Variants in TMEM272 observed in about 807,000 individuals in gnomAD.
TMEM272 encodes the protein transmembrane protein 272, also known as long intergenic non-protein coding RNA 282.
Under a neutral mutation model 3.7 loss-of-function variants are expected in TMEM272, and 8 were observed. The observed-to-expected ratio is 2.17, with a 90% CI of 1.27 to 3.91. TMEM272 has a LOEUF of 3.91. Among genes scored for constraint, TMEM272 ranks in the 30% most tolerant of loss-of-function variants. TMEM272 has a pLI of 0.00. For missense variants in TMEM272, 166 were observed against 91.5 expected (o/e 1.81, Z -3.32); for synonymous variants, 63 against 39.8 (o/e 1.58, Z -2.20).
chr13:51,886,721 C>T, the TMEM272 span, among the ~76,000 whole-genome samples: 1 of 152,150 alleles, frequency 6.6e-6, no homozygotes, highest in Non-Finnish European at 1.5e-5. Context: ...TGTCATGATT[C>T]CATCTTAGTA....
At chr13:51,932,591 CAAGCCAGTGCCTCACAG>C in the TMEM272 span, 1 of 152,204 alleles carries the variant, frequency 6.6e-6, no homozygotes, top group African/African-American at 2.4e-5. Flanking sequence ...GACATGAAGC[CAAGCCAGTGCCTCACAG>C]AAGCCCTCGT....
At chr13:51,902,464 T>C in the TMEM272 span, among the ~76,000 whole-genome samples, 5 of 152,256 alleles carry the variant, frequency 3.3e-5, no homozygotes, top group Admixed American at 2.0e-4. Context: ...GTTGCAGATT[T>C]AAAAATTAGA....
chr13:51,824,245 G>GA (rs1232753468), intron 3 of TMEM272, among the ~76,000 whole-genome samples: 7 of 152,128 alleles, frequency 4.6e-5, no homozygotes, highest in African/African-American at 1.7e-4. Flanking sequence ...CTTAACTCTA[G>GA]ATTTTCTTTC....
At chr13:51,888,795 GCCA>G in the TMEM272 span, among the ~76,000 whole-genome samples, 1 of 151,632 alleles carries the variant, frequency 6.6e-6, no homozygotes, top group African/African-American at 2.4e-5. Flanking sequence ...ACAGGCACCT[GCCA>G]CCACGCCTGG....
At chr13:51,863,740 C>G in the TMEM272 span, among the ~76,000 whole-genome samples, 1 of 152,038 alleles carries the variant, frequency 6.6e-6, no homozygotes, top group African/African-American at 2.4e-5. Context: ...CTCCTCCACT[C>G]CCTGTTCCTA....
At chr13:51,930,873 G>T in the TMEM272 span, among the ~76,000 whole-genome samples, 2 of 151,690 alleles carry the variant, frequency 1.3e-5, no homozygotes, top group African/African-American at 4.8e-5. Flanking sequence ...TAATAAAAAA[G>T]GTTTTATTTA....
At chr13:51,929,600 GA>G in the TMEM272 span, among the ~76,000 whole-genome samples, 1 of 152,348 alleles carries the variant, frequency 6.6e-6, no homozygotes, top group South Asian at 2.1e-4. Flanking sequence ...GGATGCTGAG[GA>G]AGTACAGATT....
the TMEM272 span, among the ~76,000 whole-genome samples, chr13:51,862,698 GGAT>G: frequency 5.3e-5 from 8 of 152,154 alleles, no homozygotes; most frequent in Non-Finnish European, 1.2e-4. Flanking sequence ...GAGTGCTGAA[GGAT>G]TCGCTAGGTG....
the TMEM272 span, among the ~76,000 whole-genome samples, chr13:51,902,678 T>G: frequency 1.3e-5 from 2 of 152,290 alleles, no homozygotes; most frequent in South Asian, 4.1e-4. Context: ...TGCAGGTCAC[T>G]TGCAGCCCTG....
At chr13:51,904,966 C>T in the TMEM272 span, among the ~76,000 whole-genome samples, 1 of 152,198 alleles carries the variant, frequency 6.6e-6, no homozygotes, top group Non-Finnish European at 1.5e-5. Flanking sequence ...GGAGTCTGTT[C>T]TGTGTGCTGT....
At chr13:51,920,183 GCTGCTGCCTGTATTTTGCA>G in the TMEM272 span, among the ~76,000 whole-genome samples, 2 of 63,024 alleles carry the variant, frequency 3.2e-5, no homozygotes, top group East Asian at 7.5e-4. Flanking sequence ...TGTATTTTGC[GCTGCTGCCTGTATTTTGCA>G]CTGCTCCTGA....
At chr13:51,830,674 AG>A (rs1481306721) in intron 2 of TMEM272, among the ~76,000 whole-genome samples, 1 of 152,152 alleles carries the variant, frequency 6.6e-6, no homozygotes, top group Non-Finnish European at 1.5e-5. Context: ...CCTTTATTTC[AG>A]CCCCCACTTC....
intron 4 of TMEM272, among the ~76,000 whole-genome samples, chr13:51,819,850 T>G (rs1301422264): frequency 1.3e-5 from 2 of 152,332 alleles, no homozygotes; most frequent in Middle Eastern, 3.4e-3. Context: ...GGTCACTGAA[T>G]CCGTCTTTTG....
the TMEM272 span, among the ~76,000 whole-genome samples, chr13:51,873,403 G>A: frequency 1.3e-5 from 2 of 152,182 alleles, no homozygotes; most frequent in African/African-American, 4.8e-5. Flanking sequence ...AGAGGGGATG[G>A]GAAATCTGCT....
At chr13:51,916,101 T>A in the TMEM272 span, among the ~76,000 whole-genome samples, 1 of 152,242 alleles carries the variant, frequency 6.6e-6, no homozygotes, top group East Asian at 1.9e-4. Context: ...CACTGACACT[T>A]AACACTGGGA....
chr13:51,904,596 C>T, the TMEM272 span, among the ~76,000 whole-genome samples: 1 of 152,082 alleles, frequency 6.6e-6, no homozygotes, highest in Non-Finnish European at 1.5e-5. Context: ...GGTCCGTTTT[C>T]AAGATATTGT....
the TMEM272 span, among the ~76,000 whole-genome samples, chr13:51,852,075 C>T: frequency 4.9e-3 from 742 of 152,348 alleles, 5 homozygotes; most frequent in African/African-American, 0.017. Flanking sequence ...GACAAATCCC[C>T]ATACATGGGG....
At chr13:51,895,714 G>C in the TMEM272 span, among the ~76,000 whole-genome samples, 1 of 152,124 alleles carries the variant, frequency 6.6e-6, no homozygotes. Flanking sequence ...CCCTGGGATG[G>C]GGGAAAAAAT....
At chr13:51,825,880 AT>A (rs1272321116) in intron 3 of TMEM272, among the ~76,000 whole-genome samples, 12 of 152,074 alleles carry the variant, frequency 7.9e-5, no homozygotes, top group African/African-American at 2.9e-4. Context: ...AACTGCTGGG[AT>A]TACAGGCGTG....
Sources: allele counts gnomAD v4.1 joint callset (sites outside exome capture counted in the v4.1 genomes callset), GRCh38; gene constraint gnomAD v4.1.1; transcripts MANE v1.5; gene names NCBI Gene and HGNC (gene_info 2026-07-23, HGNC 2026-07-21).